The following MRPL12 variants were observed in gnomAD, a reference collection of about 807,000 sequenced individuals.
MRPL12 encodes mitochondrial ribosomal protein L12.
In MRPL12, 13 loss-of-function variants were observed where a neutral mutation model predicts 21.1. The observed-to-expected ratio is 0.62, with a 90% CI of 0.40 to 0.98. MRPL12 has a LOEUF of 0.98. Ranked by LOEUF, MRPL12 falls within the 50% of genes least tolerant of loss-of-function variation. The pLI is 0.00. For missense variants in MRPL12, 251 were observed against 268.6 expected, an observed-to-expected ratio of 0.93 and a Z score of 0.46; for synonymous variants, 126 against 115.3, an observed-to-expected ratio of 1.09 and a Z score of -0.60.
chr17:81,705,873 C>G (rs1488354167), intron 3 of MRPL12, among the ~76,000 whole-genome samples: 1 of 152,226 alleles, frequency 6.6e-6, no homozygotes, highest in Non-Finnish European at 1.5e-5. Context: ...TGCCTGAGAA[C>G]TGGAAGGTAG....
chr17:81,703,585 A>G lies in MRPL12; in HGVS notation c.74+10A>G, dbSNP rs1165593637. On this transcript the variant is annotated intron_variant, in intron 1 of 4. Coordinates refer to ENST00000333676, the MANE Select transcript of MRPL12 (RefSeq NM_002949.4). Reference sequence around the variant, plus strand: ...CGTTCCGCCTTGCCAGGTACGCGGGATCCTGGGGCGGTCCGGGCCGGCAGG... The same window carrying G: ...CGTTCCGCCTTGCCAGGTACGCGGGGTCCTGGGGCGGTCCGGGCCGGCAGG... 7.1e-7 allele frequency: 1 copy of G among 1,403,154 alleles called. No individual in the cohort carries two copies. Among genetic ancestry groups the G allele is most frequent in the Non-Finnish European group, 9.3e-7 (1 of 1,081,038 alleles). The allele number at this position is 1,403,154 out of a possible 1,614,324, so 86.9% of individuals were successfully genotyped here.
chr17:81,704,809 C>T (rs577679677), intron 3 of MRPL12, 93 bp downstream of exon 3: 21 of 1,106,248 alleles, frequency 1.9e-5, no homozygotes, highest in East Asian at 1.9e-4. Context: ...CTGCAGCTAC[C>T]GTCATTGTCT....
intron 1 of MRPL12, among the ~76,000 whole-genome samples, chr17:81,703,921 A>C (rs559533816): frequency 6.6e-6 from 1 of 152,336 alleles, no homozygotes; most frequent in African/African-American, 2.4e-5. Flanking sequence ...GATGCACCTA[A>C]GTAATAGTTT....
Position 81,704,177 on chromosome 17 carries a change from C to T in MRPL12, c.75-67C>T, listed in dbSNP as rs1447911009. ...CACCAGTCCCCCAGTTGTCCTGCCC[C>T]TCTGGTTTCTGCAGCCCCTTCCATT... On this transcript the variant is annotated intron_variant, in intron 1 of 4. Coordinates refer to ENST00000333676, the MANE Select transcript of MRPL12 (RefSeq NM_002949.4). The T allele has an allele frequency of 1.2e-5, 18 of 1,506,736 alleles. No individual in the cohort carries two copies. The East Asian group carries it at 3.7e-4, about 31-fold the overall frequency. The allele number at this position is 1,506,736 out of a possible 1,614,324, so 93.3% of individuals were successfully genotyped here.
chr17:81,704,610 G>T, intron 2 of MRPL12, 23 bp from the exon 3 acceptor site: 1 of 1,613,420 alleles, frequency 6.2e-7, no homozygotes, highest in South Asian at 1.1e-5. Flanking sequence ...GCCAGCTGTG[G>T]ACACTGTTCT....
chr17:81,705,867 T>C (rs188670792), intron 3 of MRPL12, among the ~76,000 whole-genome samples: 1 of 152,344 alleles, frequency 6.6e-6, no homozygotes, highest in African/African-American at 2.4e-5. Flanking sequence ...CACTCATGCC[T>C]GAGAACTGGA....
rs769879364 is a variant in MRPL12 at position 81,707,005 on chromosome 17, A to G, written c.445A>G (p.Ile149Val). The change falls in exon 4 of 5, where the codon ATC (isoleucine) becomes GTC (valine). Residue 149 changes from isoleucine to valine, a missense_variant. By Grantham distance (29) the Ile-to-Val change is conservative (BLOSUM62 3). Transcript: ENST00000333676. ...GGACAAAGTGAAGCTGATCAAGGAA[A>G]TCAAGAACTACATCCAAGGCATCAA... is the stretch of plus-strand genomic sequence containing the variant. ...PVDKVKLIKEIKNYIQGINLV... is the reference protein window; with the variant it reads ...PVDKVKLIKEVKNYIQGINLV... The G allele has an allele frequency of 5.6e-6, 9 of 1,614,016 alleles. No homozygotes were observed. The African/African-American group carries it at 1.2e-4, about 22-fold the overall frequency.
intron 3 of MRPL12, among the ~76,000 whole-genome samples, chr17:81,706,124 A>G (rs527456759): frequency 6.6e-5 from 10 of 152,312 alleles, no homozygotes; most frequent in African/African-American, 1.4e-4. Context: ...GCACACGTGC[A>G]CTGCAGTGTG....
rs1233879802 is a variant in MRPL12 at position 81,707,169 on chromosome 17, G to T, written c.526G>T (p.Val176Phe). ...ESLPQEIKAN[V>F]AKAEAEKIKA... ...CCTGCCCCAGGAAATCAAAGCCAAT[G>T]TCGCCAAAGCTGAGGCGGAGAAGAT... The change falls in exon 5 of 5, where the codon GTC becomes TTC. Residue 176 changes from valine to phenylalanine, a missense_variant. Physicochemically the swap from Val to Phe is conservative, Grantham distance 50. Coordinates refer to ENST00000333676, the MANE Select transcript of MRPL12 (RefSeq NM_002949.4). The T allele has an allele frequency of 6.2e-7, 1 of 1,614,066 alleles. No individual in the cohort carries two copies. The highest frequency in any genetic ancestry group is 8.5e-7 in the Non-Finnish European group (1 of 1,179,968).
intron 2 of MRPL12, 62 bp from the exon 3 acceptor site, chr17:81,704,571 C>T: frequency 6.3e-7 from 1 of 1,595,628 alleles, no homozygotes; most frequent in Admixed American, 1.7e-5. Flanking sequence ...CTAGTTGCCC[C>T]TCCTCAGTAG....
intron 2 of MRPL12, 95 bp downstream of exon 2, chr17:81,704,525 A>G (rs2037292641): frequency 7.6e-6 from 12 of 1,581,672 alleles, no homozygotes; most frequent in East Asian, 2.2e-5. Flanking sequence ...TAAATTGTCA[A>G]AAGTGTGTTT....
intron 3 of MRPL12, 70 bp downstream of exon 3, chr17:81,704,786 C>G: frequency 7.6e-7 from 1 of 1,316,326 alleles, no homozygotes. Context: ...GCCGTGGTCC[C>G]GTATCTCAGG....
In MRPL12 at chr17:81,704,826, T is replaced by C. The variant is rs181391380; in HGVS notation, c.345+110T>C. On this transcript the variant is annotated intron_variant, in intron 3 of 4. Coordinates refer to ENST00000333676, the MANE Select transcript of MRPL12 (RefSeq NM_002949.4). ...GCAGCTACCGTCATTGTCTGCAGCC[T>C]GCACACCTGTGCGGCATCCTGCAGC... 120 of 931,578 alleles carry C rather than the reference T, an allele frequency of 1.3e-4. No individual in the cohort carries two copies. The African/African-American group carries it at 1.7e-3, about 13-fold the overall frequency. The allele number at this position is 931,578 out of a possible 1,614,324, so 57.7% of individuals were successfully genotyped here.
Position 81,707,408 on chromosome 17 carries a change from G to A in MRPL12, c.*168G>A, listed in dbSNP as rs529902953. 149 of 663,178 alleles carry A rather than the reference G, an allele frequency of 2.2e-4. No homozygotes were observed. The South Asian group carries it at 2.7e-3, about 12-fold the overall frequency. The allele number at this position is 663,178 out of a possible 1,614,324, so 41.1% of individuals were successfully genotyped here. A position where few individuals can be genotyped will look rare whatever the true frequency, so the allele number is the denominator to read the frequency against. On this transcript the variant is annotated 3_prime_UTR_variant, in exon 5 of 5. Transcript: ENST00000333676. ...ACAGGCCGCACAGACCTACTGTGGCGGGAGGGAGGGGCGGCTGCTGCCTGG... is the reference window on the plus strand; with the variant it reads ...ACAGGCCGCACAGACCTACTGTGGCAGGAGGGAGGGGCGGCTGCTGCCTGG...
intron 3 of MRPL12, among the ~76,000 whole-genome samples, chr17:81,705,948 T>G (rs1464252235): frequency 2.6e-5 from 4 of 152,238 alleles, no homozygotes; most frequent in Admixed American, 2.6e-4. Context: ...CTGTAGAGCC[T>G]GTTGTGTAAA....
At chr17:81,704,572 T>A (rs2037293162) in intron 2 of MRPL12, 61 bp from the exon 3 acceptor site, 1 of 1,596,322 alleles carries the variant, frequency 6.3e-7, no homozygotes, top group Non-Finnish European at 8.6e-7. Context: ...TAGTTGCCCC[T>A]CCTCAGTAGG....
Position 81,703,493 on chromosome 17 carries a change from C to A in MRPL12, c.-9C>A. ...GGGAACCGCGTGTGACCTTCCAGCC[C>A]GCGGACCGATGCTGCCGGCGGCCGC... On this transcript the variant is annotated 5_prime_UTR_variant, in exon 1 of 5. Transcript: ENST00000333676. 1.3e-6 allele frequency: 2 copies of A among 1,487,052 alleles called. No individual in the cohort carries two copies. The highest frequency in any genetic ancestry group is 3.8e-4 in the Middle Eastern group (2 of 5,210). The allele number at this position is 1,487,052 out of a possible 1,614,324, so 92.1% of individuals were successfully genotyped here.
At chr17:81,705,314 C>T (rs2037302936) in intron 3 of MRPL12, among the ~76,000 whole-genome samples, 1 of 147,530 alleles carries the variant, frequency 6.8e-6, no homozygotes, top group Admixed American at 6.9e-5. Flanking sequence ...TTGCTTGAAC[C>T]AGGGAGGCGG....
At chr17:81,706,171 C>A (rs750026505) in intron 3 of MRPL12, among the ~76,000 whole-genome samples, 8 of 152,192 alleles carry the variant, frequency 5.3e-5, no homozygotes, top group Non-Finnish European at 1.2e-4. Context: ...ATCTACAAAG[C>A]ACTTTTGGTG....
Sources: gnomAD v4.1 joint callset for allele counts (sites outside exome capture counted in the v4.1 genomes callset) on GRCh38, gnomAD v4.1.1 for gene constraint, MANE v1.5 for transcripts, NCBI Gene and HGNC (gene_info 2026-07-23, HGNC 2026-07-21) for gene names.